The following ENTPD4 variants were observed in gnomAD, a reference collection of about 807,000 sequenced individuals.
ENTPD4 encodes Golgi UDPase.
A neutral mutation model predicts 79.1 loss-of-function variants in ENTPD4; 60 were observed. The ratio of observed to expected loss-of-function variants is 0.76; its 90% CI spans 0.62 to 0.94. The LOEUF is 0.94. ENTPD4 is among the 40% of genes least tolerant of loss of function. ENTPD4 has a pLI of 0.00. For synonymous variants in ENTPD4, 276 were observed against 292.0 expected, an observed-to-expected ratio of 0.95 and a Z score of 0.56; for missense variants, 772 against 775.1, an observed-to-expected ratio of 1.00 and a Z score of 0.05.
chr8:23,430,409 A>G lies in ENTPD4; in HGVS notation c.*2517T>C, dbSNP rs1034578512. On this transcript the variant is annotated 3_prime_UTR_variant, in exon 13 of 13. Transcript: ENST00000358689. ...TGAAGTTTGGTTACTTCTCTTGTCC[A>G]TCTTTTCGTGCCCACAAATGGAAAC... 59 of 985,462 alleles carry G rather than the reference A, an allele frequency of 6.0e-5. No homozygotes were observed. Among genetic ancestry groups the G allele is most frequent in the Non-Finnish European group, 7.1e-5 (59 of 829,942 alleles). The allele number at this position is 985,462 out of a possible 1,614,324, so 61.0% of individuals were successfully genotyped here.
At position 23,434,341 on chromosome 8, in the gene ENTPD4, T is replaced by A. The variant is rs747335348; in HGVS notation, c.1598A>T (p.Tyr533Phe). ...EVQWTLGAIL[Y>F]RTRFLPLRDI... ...CCTTAATGGTAGAAAGCGGGTCCTG[T>A]AGAGGATGGCTCCAAGGGTCCACTG... The change falls in exon 12 of 13, where the codon TAC (tyrosine) becomes TTC (phenylalanine). Residue 533 changes from tyrosine to phenylalanine, a missense_variant. Coordinates refer to ENST00000358689, the MANE Select transcript of ENTPD4 (RefSeq NM_004901.5). The A allele has an allele frequency of 3.1e-6, 5 of 1,614,066 alleles. No homozygotes were observed. Among genetic ancestry groups the A allele is most frequent in the Middle Eastern group, 1.6e-4 (1 of 6,084 alleles).
intron 9 of ENTPD4, 113 bp from the exon 10 acceptor site, chr8:23,437,371 G>A: frequency 2.7e-6 from 2 of 728,388 alleles, no homozygotes. Context: ...AGACCTGCAG[G>A]ACCGTGTCTG....
intron 1 of ENTPD4, among the ~76,000 whole-genome samples, 173 bp downstream of exon 1, chr8:23,457,384 G>A (rs2117316432): frequency 6.6e-6 from 1 of 152,072 alleles, no homozygotes; most frequent in East Asian, 1.9e-4. Context: ...TGGCCGCGCG[G>A]CAGGGGAGGC....
At chr8:23,448,500 C>T (rs1800801989) in intron 3 of ENTPD4, among the ~76,000 whole-genome samples, 1 of 152,196 alleles carries the variant, frequency 6.6e-6, no homozygotes, top group Non-Finnish European at 1.5e-5. Flanking sequence ...CCCTCACCCC[C>T]TTTCCATCAT....
At chr8:23,456,326 A>C (rs1800957493) in intron 1 of ENTPD4, among the ~76,000 whole-genome samples, 1 of 152,136 alleles carries the variant, frequency 6.6e-6, no homozygotes, top group Admixed American at 6.5e-5. Flanking sequence ...TCCTCTCAAG[A>C]CTACACTTCT....
chr8:23,457,440 G>A (rs890186530), intron 1 of ENTPD4, 117 bp downstream of exon 1: 1 of 152,350 alleles, frequency 6.6e-6, no homozygotes, highest in African/African-American at 2.4e-5. Context: ...GGGGCCTGGG[G>A]CAGAGAGGCT....
Position 23,430,446 on chromosome 8 carries a change from T to C in ENTPD4, c.*2480A>G. 1 of 985,426 alleles carries C rather than the reference T, an allele frequency of 1.0e-6. No individual in the cohort carries two copies. The highest frequency in any genetic ancestry group is 1.2e-6 in the Non-Finnish European group (1 of 829,936). 61.0% of individuals were successfully genotyped at this position (985,426 alleles called of 1,614,324 possible). A position where few individuals can be genotyped will look rare whatever the true frequency, so the allele number is the denominator to read the frequency against. ...CCACAAATGGAAACTACATTCCTGA[T>C]TTAAGAGGATGCTTCTGTCTGTATC... On this transcript the variant is annotated 3_prime_UTR_variant, in exon 13 of 13. Transcript: ENST00000358689.
At chr8:23,444,690 A>T (rs1800735464) in intron 4 of ENTPD4, 84 bp from the exon 5 acceptor site, 4 of 1,201,662 alleles carry the variant, frequency 3.3e-6, no homozygotes, top group Non-Finnish European at 4.9e-6. Context: ...AATTTTAGGG[A>T]AATCATGCTA....
chr8:23,445,999 A>G (rs1035249661), intron 4 of ENTPD4, among the ~76,000 whole-genome samples: 10 of 152,218 alleles, frequency 6.6e-5, no homozygotes, highest in Non-Finnish European at 8.8e-5. Flanking sequence ...CAAAAAATTG[A>G]CTAAACTGTA....
chr8:23,437,292 T>C, intron 9 of ENTPD4, 34 bp from the exon 10 acceptor site: 3 of 1,500,736 alleles, frequency 2.0e-6, no homozygotes, highest in Non-Finnish European at 2.7e-6. Context: ...TCGTGAGTCC[T>C]ACAGAAAACT....
At chr8:23,445,573 TCACCTGGTTAATTCCTG>T (rs1299579084) in intron 4 of ENTPD4, among the ~76,000 whole-genome samples, 11 of 152,038 alleles carry the variant, frequency 7.2e-5, no homozygotes, top group Admixed American at 7.2e-4. Flanking sequence ...CTACCCCTTT[TCACCTGGTTAATTCCTG>T]CACACCCACT....
rs562230222 is a variant in ENTPD4, at chr8:23,452,401, G to GA, written c.-97-2405dup. 1.8e-3 allele frequency among the ~76,000 whole-genome samples: 279 copies of GA among 152,152 alleles called. 3 individuals are homozygous for GA. Among genetic ancestry groups the GA allele is most frequent in the Non-Finnish European group, 1.8e-4 (12 of 67,978 alleles). Reference sequence around the variant, plus strand: ...CCCCCAACTTTTCTCTCTCACTCAGGAAACAGTCAACTCCTTAGGGTGTAA... The same window carrying GA: ...CCCCCAACTTTTCTCTCTCACTCAGGAAAACAGTCAACTCCTTAGGGTGTAA... On this transcript the variant is annotated intron_variant, in intron 1 of 12. Coordinates refer to ENST00000358689, the MANE Select transcript of ENTPD4 (RefSeq NM_004901.5).
At chr8:23,448,193 T>A (rs1252888115) in intron 3 of ENTPD4, among the ~76,000 whole-genome samples, 2 of 152,228 alleles carry the variant, frequency 1.3e-5, no homozygotes, top group East Asian at 3.8e-4. Flanking sequence ...CGCTTATGTA[T>A]AAATAATTAT....
At chr8:23,454,498 C>G (rs888568458) in intron 1 of ENTPD4, among the ~76,000 whole-genome samples, 1 of 152,102 alleles carries the variant, frequency 6.6e-6, no homozygotes, top group Admixed American at 6.5e-5. Flanking sequence ...AGTCAAGATA[C>G]TAATTAAAGG....
At chr8:23,454,260 T>G (rs1298180941) in intron 1 of ENTPD4, among the ~76,000 whole-genome samples, 2 of 152,292 alleles carry the variant, frequency 1.3e-5, no homozygotes, top group African/African-American at 4.8e-5. Context: ...ACACAGGAAT[T>G]CCAATCTGAA....
chr8:23,439,711 G>A, intron 9 of ENTPD4, 38 bp downstream of exon 9: 1 of 1,603,562 alleles, frequency 6.2e-7, no homozygotes, highest in East Asian at 2.2e-5. Context: ...AGAGACCTAG[G>A]TTTGCAAATG....
chr8:23,431,616 G>A lies in ENTPD4; in HGVS notation c.*1310C>T, dbSNP rs184024740. On this transcript the variant is annotated 3_prime_UTR_variant, in exon 13 of 13. Transcript: ENST00000358689. ...TGCCAGCAACAGCCTCAGTCAATGC[G>A]GTTAGGAAGAGGACTCGGCAGGCTG... 2.5e-4 allele frequency: 246 copies of A among 985,388 alleles called. No homozygotes were observed. In the African/African-American group the frequency reaches 4.0e-3, roughly 16 times the overall value. 61.0% of individuals were successfully genotyped at this position (985,388 alleles called of 1,614,324 possible).
At position 23,429,688 on chromosome 8, in the gene ENTPD4, C is replaced by G. The variant is rs1396678774; in HGVS notation, c.*3238G>C. 3 of 985,238 alleles carry G rather than the reference C, an allele frequency of 3.0e-6. No homozygotes were observed. Among genetic ancestry groups the G allele is most frequent in the Non-Finnish European group, 3.6e-6 (3 of 829,928 alleles). The allele number at this position is 985,238 out of a possible 1,614,324, so 61.0% of individuals were successfully genotyped here. ...ATCTAGAGTACACAGATGTGGAAAA[C>G]TGGTGGTGAAAAGAGGGACCTACCC... On this transcript the variant is annotated 3_prime_UTR_variant, in exon 13 of 13. Transcript: ENST00000358689.
At chr8:23,448,602 C>T in intron 3 of ENTPD4, 140 bp downstream of exon 3, 1 of 688,522 alleles carries the variant, frequency 1.5e-6, no homozygotes, top group Non-Finnish European at 2.4e-6. Context: ...TCGTGGATTT[C>T]CCAACCTCTA....
Sources: gnomAD v4.1 joint callset for allele counts (sites outside exome capture counted in the v4.1 genomes callset) on GRCh38, gnomAD v4.1.1 for gene constraint, MANE v1.5 for transcripts, NCBI Gene and HGNC (gene_info 2026-07-23, HGNC 2026-07-21) for gene names.